The following PTPRC variants were observed in gnomAD, a reference collection of about 807,000 sequenced individuals.
The protein encoded by PTPRC is receptor-type tyrosine-protein phosphatase C.
A neutral mutation model predicts 155.9 loss-of-function variants in PTPRC; 44 were observed. That is an observed-to-expected ratio of 0.28 (90% CI 0.22 to 0.36). The LOEUF is 0.36. Among genes scored for constraint, PTPRC ranks in the 10% least tolerant of loss-of-function variants. The pLI, the probability that PTPRC is intolerant of heterozygous loss-of-function variation, is 1.00. For synonymous variants in PTPRC, 525 were observed against 533.1 expected (o/e 0.98, Z 0.21); for missense variants, 1,401 against 1,564.6 (o/e 0.90, Z 1.76).
chr1:198,734,181 A>C lies in PTPRC; in HGVS notation c.2143-15A>C, dbSNP rs746810481. The C allele has an allele frequency of 6.2e-7, 1 of 1,608,000 alleles. No individual in the cohort carries two copies. The highest frequency in any genetic ancestry group is 2.2e-5 in the East Asian group (1 of 44,672). ...TGTTCAGCAAATGACATATCTCTGC[A>C]TGTGTTTTCAATAGGGTTTCAAAGA... On this transcript the variant is annotated splice_polypyrimidine_tract_variant and intron_variant, in intron 20 of 32. Transcript: ENST00000442510.
At chr1:198,650,529 G>C (rs761382909) in intron 2 of PTPRC, among the ~76,000 whole-genome samples, 1 of 151,850 alleles carries the variant, frequency 6.6e-6, no homozygotes, top group Non-Finnish European at 1.5e-5. Context: ...ATGAGCACTG[G>C]GATGGGAAAG....
chr1:198,667,787 G>A (rs1231208237), intron 2 of PTPRC, among the ~76,000 whole-genome samples: 1 of 152,176 alleles, frequency 6.6e-6, no homozygotes, highest in Non-Finnish European at 1.5e-5. Context: ...CAGTGAAAGT[G>A]GAGTGTTTAA....
intron 2 of PTPRC, among the ~76,000 whole-genome samples, chr1:198,683,272 C>T (rs1393112376): frequency 2.0e-5 from 3 of 152,100 alleles, no homozygotes; most frequent in Non-Finnish European, 1.5e-5. Context: ...GTTGATAGCA[C>T]CAAATACACT....
intron 11 of PTPRC, 119 bp from the exon 12 acceptor site, chr1:198,712,834 T>A: frequency 8.7e-7 from 1 of 1,152,902 alleles, no homozygotes; most frequent in Non-Finnish European, 1.3e-6. Flanking sequence ...TCTTTAAATT[T>A]TATTTTGAAT....
In PTPRC at chr1:198,663,261, C is replaced by T. The variant is rs1482515260; in HGVS notation, c.73+23920C>T. Among the ~76,000 whole-genome samples the T allele has an allele frequency of 5.3e-5, 8 of 152,272 alleles. No homozygotes were observed. The South Asian group carries it at 8.3e-4, about 16-fold the overall frequency. ...TTGCTGAAGTTCATTCTTTTCAGTG[C>T]GTTAATGGAGCCAAACCAAGCTGGT... On this transcript the variant is annotated intron_variant, in intron 2 of 32. Transcript: ENST00000442510.
intron 2 of PTPRC, among the ~76,000 whole-genome samples, chr1:198,691,912 T>C (rs1322233206): frequency 4.6e-5 from 7 of 152,198 alleles, no homozygotes; most frequent in South Asian, 2.1e-4. Context: ...ATTGAGCTCA[T>C]TGAGGGCAGG....
chr1:198,719,962 T>C (rs957019084), intron 14 of PTPRC, among the ~76,000 whole-genome samples: 1 of 152,148 alleles, frequency 6.6e-6, no homozygotes, highest in African/African-American at 2.4e-5. Flanking sequence ...ACTTTTTGAT[T>C]TTGTTTTTGA....
intron 3 of PTPRC, chr1:198,692,771 A>T (rs1031082547): frequency 1.1e-6 from 1 of 917,686 alleles, no homozygotes; most frequent in Non-Finnish European, 1.3e-6. Context: ...ACAGATTTGC[A>T]TATGTCTATA....
In PTPRC at chr1:198,696,831, A is replaced by G. The variant is rs765055683; in HGVS notation, c.220A>G (p.Thr74Ala). The G allele has an allele frequency of 5.6e-6, 9 of 1,613,904 alleles. No homozygotes were observed. The highest frequency in any genetic ancestry group is 4.5e-5 in the East Asian group (2 of 44,894). Residue 74 changes from threonine to alanine, a missense_variant, in exon 4 of 33, where the codon ACT becomes GCT. By Grantham distance (58) the Thr-to-Ala change is moderately conservative. Coordinates refer to ENST00000442510, the MANE Select transcript of PTPRC (RefSeq NM_002838.5). The stretch of plus-strand genomic sequence containing the variant: ...AGAAAATGACTTCTCAGAGACCACA[A>G]CTTCTCTTAGTCCAGACAATACTTC... ...ERENDFSETT[T>A]SLSPDNTSTQ...
chr1:198,699,615 C>T lies in PTPRC; in HGVS notation c.350C>T (p.Thr117Met), dbSNP rs1253903025. 4 of 1,614,064 alleles carry T rather than the reference C, an allele frequency of 2.5e-6. No homozygotes were observed. The highest frequency in any genetic ancestry group is 1.1e-5 in the South Asian group (1 of 91,092). The change falls in exon 5 of 33, where the codon ACG becomes ATG. Residue 117 changes from threonine (T) to methionine (M), a missense_variant. This residue lies in a region of PTPRC where 867 missense variants were observed against 970.4 expected (regional missense o/e 0.89). Transcript: ENST00000442510. ...CTTCCCACGCACGCAGACTCGCAGA[C>T]GCCCTCTGCTGGAACTGACACGCAG... The part of the protein sequence containing the change: ...PHLPTHADSQ[T>M]PSAGTDTQTF...
chr1:198,639,557 C>A (rs1039306236), intron 2 of PTPRC, among the ~76,000 whole-genome samples: 1 of 151,890 alleles, frequency 6.6e-6, no homozygotes, highest in Non-Finnish European at 1.5e-5. Context: ...ACAAAAAATA[C>A]AATTTTAAAA....
intron 14 of PTPRC, among the ~76,000 whole-genome samples, chr1:198,719,075 T>C (rs1024349374): frequency 6.6e-6 from 1 of 152,152 alleles, no homozygotes. Context: ...TCTTTAATAA[T>C]TTATGTTTCA....
Position 198,734,319 on chromosome 1 carries a change from A to G in PTPRC, c.2180-9A>G, listed in dbSNP as rs746925954. 1.2e-6 allele frequency: 2 copies of G among 1,610,678 alleles called. No homozygotes were observed. The highest frequency in any genetic ancestry group is 2.7e-5 in the African/African-American group (2 of 74,690). ...TTTTCTTATCAGCTTTTATTTGTTT[A>G]CCTCCTAGGTCCCAGGGATGAAACT... On this transcript the variant is annotated splice_polypyrimidine_tract_variant and intron_variant, in intron 21 of 32. Transcript: ENST00000442510.
chr1:198,713,650 G>C (rs910447838), intron 12 of PTPRC, among the ~76,000 whole-genome samples: 1 of 152,082 alleles, frequency 6.6e-6, no homozygotes, highest in Admixed American at 6.6e-5. Context: ...CTCATGAAAT[G>C]TTCAAATGAG....
At position 198,722,450 on chromosome 1, in the gene PTPRC, C is replaced by T; in HGVS notation, c.1694C>T (p.Pro565Leu). 2 of 1,470,562 alleles carry T rather than the reference C, an allele frequency of 1.4e-6. No homozygotes were observed. Among genetic ancestry groups the T allele is most frequent in the African/African-American group, 1.4e-5 (1 of 70,352 alleles). 91.1% of individuals were successfully genotyped at this position (1,470,562 alleles called of 1,614,324 possible). Residue 565 changes from proline (P) to leucine (L), a missense_variant, in exon 15 of 33, where the codon CCC becomes CTC. Coordinates refer to ENST00000442510, the MANE Select transcript of PTPRC (RefSeq NM_002838.5). ...YFHNGDYPGE[P>L]FILHHSTSYN... ...CACAATGGAGACTATCCTGGAGAAC[C>T]CTTTATTTTACATCATTCAACATCT...
At chr1:198,659,490 A>G (rs555074732) in intron 2 of PTPRC, among the ~76,000 whole-genome samples, 2 of 152,152 alleles carry the variant, frequency 1.3e-5, no homozygotes, top group East Asian at 3.9e-4. Flanking sequence ...GTCTGAGGAA[A>G]TCGACAGTGT....
rs761456309 is a variant in PTPRC, at chr1:198,708,274, C to A, written c.1033+13C>A. ...AGATTTCAGTGTGGTAAGAATATAACATTGACCAGAGAATTTTTTTTTGTG... is the reference window on the plus strand; with the variant it reads ...AGATTTCAGTGTGGTAAGAATATAAAATTGACCAGAGAATTTTTTTTTGTG... On this transcript the variant is annotated intron_variant, in intron 10 of 32. Coordinates refer to ENST00000442510, the MANE Select transcript of PTPRC (RefSeq NM_002838.5). 13 of 1,599,248 alleles carry A rather than the reference C, an allele frequency of 8.1e-6. No homozygotes were observed. Among genetic ancestry groups the A allele is most frequent in the Non-Finnish European group, 1.0e-5 (12 of 1,169,704 alleles).
intron 28 of PTPRC, among the ~76,000 whole-genome samples, chr1:198,750,098 AGTTT>A (rs1254778292): frequency 2.0e-5 from 3 of 151,942 alleles, no homozygotes. Context: ...ATAGAATATT[AGTTT>A]AATTAGGAAA....
intron 4 of PTPRC, among the ~76,000 whole-genome samples, chr1:198,698,873 C>T (rs1666331285): frequency 6.6e-6 from 1 of 151,912 alleles, no homozygotes; most frequent in Non-Finnish European, 1.5e-5. Context: ...AATTCTGTTC[C>T]TTAAAGATAC....
Sources: allele counts gnomAD v4.1 joint callset (sites outside exome capture counted in the v4.1 genomes callset), GRCh38; gene constraint gnomAD v4.1.1; regional missense constraint gnomAD v4.1.1; transcripts MANE v1.5; gene names NCBI Gene and HGNC (gene_info 2026-07-23, HGNC 2026-07-21).